The following KIF13B variants were observed in gnomAD, a reference collection of about 807,000 sequenced individuals.
KIF13B encodes kinesin family member 13B.
KIF13B carries 127 observed loss-of-function variants against 222.0 expected under a neutral mutation model. The ratio of observed to expected loss-of-function variants is 0.57; its 90% CI spans 0.50 to 0.66. The LOEUF is 0.66. Ranked by LOEUF, KIF13B falls within the 30% of genes least tolerant of loss-of-function variation. The pLI, the probability that KIF13B is intolerant of heterozygous loss-of-function variation, is 0.00. For missense variants in KIF13B, 2,173 were observed against 2,379.0 expected (o/e 0.91, Z 1.80); for synonymous variants, 976 against 919.0 (o/e 1.06, Z -1.12).
intron 14 of KIF13B, among the ~76,000 whole-genome samples, chr8:29,152,060 G>T (rs966036373): frequency 2.0e-5 from 3 of 152,156 alleles, no homozygotes; most frequent in African/African-American, 7.2e-5. Context: ...ATGCCTTCGG[G>T]GGGTTCAAGA....
chr8:29,160,502 G>T (rs115997313), intron 13 of KIF13B, among the ~76,000 whole-genome samples: 2,957 of 152,046 alleles, frequency 0.019, 88 homozygotes, highest in African/African-American at 0.067. Flanking sequence ...GTTAAATAAT[G>T]GTAGGTAAGG....
At chr8:29,205,155 C>G (rs567697612) in intron 2 of KIF13B, among the ~76,000 whole-genome samples, 1 of 151,674 alleles carries the variant, frequency 6.6e-6, no homozygotes, top group African/African-American at 2.4e-5. Flanking sequence ...CACCACTGCA[C>G]TCAGCCTGGG....
At chr8:29,215,641 G>A (rs1185000780) in intron 2 of KIF13B, among the ~76,000 whole-genome samples, 1 of 152,224 alleles carries the variant, frequency 6.6e-6, no homozygotes, top group South Asian at 2.1e-4. Flanking sequence ...GCAGTCAGCC[G>A]TGATGGCACC....
intron 35 of KIF13B, among the ~76,000 whole-genome samples, chr8:29,099,783 T>A (rs893103612): frequency 1.3e-5 from 2 of 152,132 alleles, no homozygotes; most frequent in African/African-American, 4.8e-5. Flanking sequence ...GTTTACAGTC[T>A]CCCATTAAGC....
intron 10 of KIF13B, among the ~76,000 whole-genome samples, chr8:29,175,737 C>T (rs73669481): frequency 0.047 from 7,167 of 152,240 alleles, 358 homozygotes; most frequent in African/African-American, 0.12. Flanking sequence ...AGTGTGAGGC[C>T]AGCGGAGGCT....
At chr8:29,196,259 AAT>A (rs1554616764) in intron 2 of KIF13B, 60 bp from the exon 3 acceptor site, 37 of 1,360,188 alleles carry the variant, frequency 2.7e-5, no homozygotes, top group Middle Eastern at 1.8e-4. Flanking sequence ...AAAAAAAAAA[AAT>A]TTAGTTTAGA....
rs1163831654 is a variant in KIF13B at position 29,263,038 on chromosome 8, G to A, written c.-4C>T. On this transcript the variant is annotated 5_prime_UTR_variant, in exon 1 of 40. Coordinates refer to ENST00000524189, the MANE Select transcript of KIF13B (RefSeq NM_015254.4). ...CTTTCACTTTGGAGTCCCCCATCCT[G>A]CAGCCGCCGAGGAACTCGTTCGGCT... 1 of 1,591,866 alleles carries A rather than the reference G, an allele frequency of 6.3e-7. No individual in the cohort carries two copies. Among genetic ancestry groups the A allele is most frequent in the African/African-American group, 1.4e-5 (1 of 73,044 alleles).
chr8:29,240,636 C>G (rs1190377306), intron 2 of KIF13B, among the ~76,000 whole-genome samples: 1 of 152,142 alleles, frequency 6.6e-6, no homozygotes, highest in Non-Finnish European at 1.5e-5. Context: ...GAGAAGTATA[C>G]CAGAATCTAG....
At position 29,092,788 on chromosome 8, in the gene KIF13B, C is replaced by T. The variant is rs764139083; in HGVS notation, c.4415G>A (p.Arg1472His). The T allele has an allele frequency of 8.7e-6, 14 of 1,613,236 alleles. No individual in the cohort carries two copies. The South Asian group carries it at 8.8e-5, about 10-fold the overall frequency. ...CGGCCGCTTGCCCCTCTTCTCATCG[C>T]GGACGGGAAAGAGAGACTTGAGGAG... The part of the protein sequence containing the change: ...PKLLKSLFPV[R>H]DEKRGKRPSP... The change falls in exon 37 of 40, where the codon CGC becomes CAC. Residue 1472 changes from arginine to histidine, a missense_variant. Transcript: ENST00000524189.
At chr8:29,146,586 C>T in intron 17 of KIF13B, 46 bp from the exon 18 acceptor site, 2 of 1,546,058 alleles carry the variant, frequency 1.3e-6, no homozygotes, top group Non-Finnish European at 1.8e-6. Flanking sequence ...GAGATTAACA[C>T]AAAGCAGCTA....
rs908238446 is a variant in KIF13B at position 29,173,996 on chromosome 8, T to A, written c.945+2072A>T. Among the ~76,000 whole-genome samples, 4 of 152,204 alleles carry A rather than the reference T, an allele frequency of 2.6e-5. No homozygotes were observed. In the East Asian group the frequency reaches 5.8e-4, roughly 22 times the overall value. On this transcript the variant is annotated intron_variant, in intron 10 of 39. Coordinates refer to ENST00000524189, the MANE Select transcript of KIF13B (RefSeq NM_015254.4). ...TGAAACGATTTAAAAAAAAATTTTT[T>A]AAATACATATGTTTAAGGTATAGAG... is the stretch of plus-strand genomic sequence containing the variant.
intron 2 of KIF13B, among the ~76,000 whole-genome samples, chr8:29,213,304 C>A (rs1180991079): frequency 1.3e-5 from 2 of 152,188 alleles, no homozygotes; most frequent in East Asian, 3.8e-4. Context: ...AAAAGCTATT[C>A]TAAGTGCATT....
intron 2 of KIF13B, among the ~76,000 whole-genome samples, chr8:29,221,007 T>C (rs1814718557): frequency 6.6e-6 from 1 of 151,304 alleles, no homozygotes; most frequent in Admixed American, 6.6e-5. Context: ...CTGGGTGCGG[T>C]GGCATGCACC....
chr8:29,232,303 A>G (rs1486031257), intron 2 of KIF13B, among the ~76,000 whole-genome samples: 1 of 150,636 alleles, frequency 6.6e-6, no homozygotes, highest in East Asian at 1.9e-4. Flanking sequence ...AAATTTAAAA[A>G]TAAAATATAT....
intron 18 of KIF13B, among the ~76,000 whole-genome samples, chr8:29,144,564 C>T (rs955522965): frequency 1.3e-5 from 2 of 152,042 alleles, no homozygotes; most frequent in Non-Finnish European, 2.9e-5. Flanking sequence ...GGCCATCTTA[C>T]AGTCAAAATT....
At chr8:29,233,189 A>G (rs1284201630) in intron 2 of KIF13B, among the ~76,000 whole-genome samples, 2 of 152,180 alleles carry the variant, frequency 1.3e-5, no homozygotes, top group Non-Finnish European at 2.9e-5. Context: ...ATATGACACC[A>G]AAATTCCATC....
chr8:29,211,853 T>C (rs1814243072), intron 2 of KIF13B, among the ~76,000 whole-genome samples: 1 of 152,224 alleles, frequency 6.6e-6, no homozygotes, highest in Admixed American at 6.5e-5. Flanking sequence ...CTTAGCATTA[T>C]TTACATATAC....
At chr8:29,183,483 G>A (rs1288439315) in intron 6 of KIF13B, among the ~76,000 whole-genome samples, 1 of 152,058 alleles carries the variant, frequency 6.6e-6, no homozygotes, top group South Asian at 2.1e-4. Context: ...GTTCTTTGAC[G>A]CCTATGAAGA....
At chr8:29,118,585 T>C (rs1809711161) in intron 30 of KIF13B, among the ~76,000 whole-genome samples, 1 of 152,064 alleles carries the variant, frequency 6.6e-6, no homozygotes, top group South Asian at 2.1e-4. Context: ...TGCTTCCATC[T>C]CTCACTGGTT....
Sources: gnomAD v4.1 joint callset for allele counts (sites outside exome capture counted in the v4.1 genomes callset) on GRCh38, gnomAD v4.1.1 for gene constraint, MANE v1.5 for transcripts, NCBI Gene and HGNC (gene_info 2026-07-23, HGNC 2026-07-21) for gene names.